Variants in TNNI3K observed in about 807,000 individuals in gnomAD.
TNNI3K encodes TNNI3 interacting kinase.
Under a neutral mutation model 114.5 loss-of-function variants are expected in TNNI3K, and 140 were observed. That is an observed-to-expected ratio of 1.22 (90% confidence interval 1.07 to 1.41). The LOEUF is 1.41. Ranked by LOEUF, TNNI3K falls within the 40% of genes most tolerant of loss-of-function variation. The pLI, the probability that TNNI3K is intolerant of heterozygous loss-of-function variation, is 0.00. For synonymous variants in TNNI3K, 347 were observed against 347.5 expected, an observed-to-expected ratio of 1.00 and a Z score of 0.02; for missense variants, 1,125 against 1,007.6, an observed-to-expected ratio of 1.12 and a Z score of -1.58.
chr1:74,471,801 G>A (rs375990583), intron 21 of TNNI3K: 2 of 431,144 alleles, frequency 4.6e-6, no homozygotes, highest in East Asian at 6.9e-5. Context: ...CTATTGCACT[G>A]TTAATTTGGA....
intron 23 of TNNI3K, among the ~76,000 whole-genome samples, chr1:74,535,033 T>C (rs888100878): frequency 1.4e-4 from 21 of 151,604 alleles, no homozygotes; most frequent in African/African-American, 5.1e-4. Context: ...GGCATGTATG[T>C]AAAAATCAGG....
chr1:74,239,742 A>G (rs564450394), intron 2 of TNNI3K, among the ~76,000 whole-genome samples: 3 of 152,280 alleles, frequency 2.0e-5, no homozygotes, highest in Admixed American at 2.0e-4. Flanking sequence ...CGAATACACA[A>G]TCTTCCTGGC....
chr1:74,257,834 A>G (rs979389757), intron 4 of TNNI3K, among the ~76,000 whole-genome samples: 1 of 151,382 alleles, frequency 6.6e-6, no homozygotes, highest in African/African-American at 2.4e-5. Flanking sequence ...CGCCCGGCTA[A>G]TTTTTTGTAT....
In TNNI3K at chr1:74,459,480, GAGGT is replaced by G. The variant is rs375965359; in HGVS notation, c.2012-3957_2012-3954del. 1.8e-3 allele frequency among the ~76,000 whole-genome samples: 274 copies of G among 152,302 alleles called. 1 individual carries two copies. The highest frequency in any genetic ancestry group is 6.3e-3 in the African/African-American group (262 of 41,570). On this transcript the variant is annotated intron_variant, in intron 20 of 24. Coordinates refer to ENST00000326637, the MANE Select transcript of TNNI3K (RefSeq NM_015978.3). ...GACAGTAGATGTTACGAAGGAAAAA[GAGGT>G]AGGGGAGAACATTCCAGGCAAAAGG...
At chr1:74,332,663 C>A (rs1387548963) in intron 6 of TNNI3K, among the ~76,000 whole-genome samples, 1 of 152,076 alleles carries the variant, frequency 6.6e-6, no homozygotes, top group Non-Finnish European at 1.5e-5. Context: ...ATGCCAGAGT[C>A]ATGCGCTATT....
At position 74,296,656 on chromosome 1, in the gene TNNI3K, T is replaced by C. The variant is rs143766376; in HGVS notation, c.444+24948T>C. ...TGGTTTTGCTTGTTAGAAAAAAAAA[T>C]GACTTATTCACTATCAATTTTGAAG... On this transcript the variant is annotated intron_variant, in intron 5 of 24. Transcript: ENST00000326637. 3.8e-3 allele frequency among the ~76,000 whole-genome samples: 573 copies of C among 152,184 alleles called. 4 individuals are homozygous for C. The highest frequency in any genetic ancestry group is 0.013 in the African/African-American group (549 of 41,522).
intron 23 of TNNI3K, among the ~76,000 whole-genome samples, chr1:74,504,704 G>A (rs560814510): frequency 1.3e-5 from 2 of 152,158 alleles, no homozygotes; most frequent in Non-Finnish European, 2.9e-5. Flanking sequence ...GAGTGAGCGA[G>A]TGACATATTT....
intron 23 of TNNI3K, among the ~76,000 whole-genome samples, chr1:74,513,072 T>G (rs752327759): frequency 1.1e-4 from 16 of 152,322 alleles, no homozygotes; most frequent in Non-Finnish European, 2.2e-4. Flanking sequence ...GTTAACAAAG[T>G]CAAGGGATTC....
intron 5 of TNNI3K, among the ~76,000 whole-genome samples, chr1:74,317,776 C>T (rs1484884595): frequency 6.6e-6 from 1 of 152,064 alleles, no homozygotes; most frequent in Non-Finnish European, 1.5e-5. Context: ...AGAGTCTATC[C>T]CTGGACCTGT....
chr1:74,310,004 A>AG (rs1228706630), intron 5 of TNNI3K, among the ~76,000 whole-genome samples: 2 of 152,204 alleles, frequency 1.3e-5, no homozygotes, highest in Non-Finnish European at 2.9e-5. Flanking sequence ...AAATGGGAAA[A>AG]GAGGAAGTCA....
rs777464554 is a variant in TNNI3K at position 74,336,039 on chromosome 1, C to T, written c.572C>T (p.Ala191Val). Residue 191 changes from alanine (A) to valine (V), a missense_variant, in exon 7 of 25, where the codon GCT becomes GTT. Physicochemically the swap from Ala to Val is moderately conservative, Grantham distance 64. Coordinates refer to ENST00000326637, the MANE Select transcript of TNNI3K (RefSeq NM_015978.3). The stretch of plus-strand genomic sequence containing the variant: ...ACTCGCCTTCTTTTGAAATTTGGTG[C>T]TGATGTAAATGTAAGTGGTGAAGTT... Reference protein sequence around the residue: ...QVTRLLLKFGADVNVSGEVGD... With the variant: ...QVTRLLLKFGVDVNVSGEVGD... 1 of 1,582,822 alleles carries T rather than the reference C, an allele frequency of 6.3e-7. No individual in the cohort carries two copies. The highest frequency in any genetic ancestry group is 2.3e-5 in the East Asian group (1 of 43,900).
intron 19 of TNNI3K, among the ~76,000 whole-genome samples, chr1:74,437,321 C>T (rs1666179822): frequency 6.6e-6 from 1 of 152,026 alleles, no homozygotes; most frequent in Non-Finnish European, 1.5e-5. Context: ...TCTTCTTGTT[C>T]ATTTTTTGCA....
chr1:74,393,609 A>T (rs1375321413), intron 17 of TNNI3K, among the ~76,000 whole-genome samples: 1 of 152,220 alleles, frequency 6.6e-6, no homozygotes, highest in Non-Finnish European at 1.5e-5. Flanking sequence ...ACAAATATTT[A>T]CAAAATTGCT....
At chr1:74,261,837 T>G (rs1655694275) in intron 4 of TNNI3K, among the ~76,000 whole-genome samples, 1 of 152,154 alleles carries the variant, frequency 6.6e-6, no homozygotes, top group Admixed American at 6.6e-5. Flanking sequence ...CCTATATATT[T>G]CTTGCAAGAT....
chr1:74,272,945 T>C (rs1425207027), intron 5 of TNNI3K, among the ~76,000 whole-genome samples: 1 of 151,936 alleles, frequency 6.6e-6, no homozygotes, highest in Non-Finnish European at 1.5e-5. Flanking sequence ...GAAACACCAA[T>C]AGCTCAACAA....
At chr1:74,325,356 G>A (rs1304036827) in intron 5 of TNNI3K, among the ~76,000 whole-genome samples, 10 of 152,074 alleles carry the variant, frequency 6.6e-5, no homozygotes, top group African/African-American at 1.9e-4. Flanking sequence ...TCTGTGGGAC[G>A]GACCTGGTGA....
intron 23 of TNNI3K, among the ~76,000 whole-genome samples, chr1:74,505,125 A>C (rs1021663900): frequency 3.3e-5 from 5 of 152,152 alleles, no homozygotes; most frequent in Admixed American, 6.5e-5. Context: ...GCCCACTCTT[A>C]AGCACATCAA....
intron 17 of TNNI3K, among the ~76,000 whole-genome samples, chr1:74,426,532 C>G (rs1288455707): frequency 6.6e-6 from 1 of 152,032 alleles, no homozygotes; most frequent in Non-Finnish European, 1.5e-5. Context: ...GGTCTTCTAA[C>G]AGGAAACTTG....
chr1:74,505,831 A>T (rs1465369734), intron 23 of TNNI3K, among the ~76,000 whole-genome samples: 1 of 152,232 alleles, frequency 6.6e-6, no homozygotes, highest in Non-Finnish European at 1.5e-5. Flanking sequence ...TGGAATGAAA[A>T]TCTTCACCAT....
Sources: allele counts gnomAD v4.1 joint callset (sites outside exome capture counted in the v4.1 genomes callset), GRCh38; gene constraint gnomAD v4.1.1; transcripts MANE v1.5; gene names NCBI Gene and HGNC (gene_info 2026-07-23, HGNC 2026-07-21).